NIPSNAP3B: variants seen among roughly 807,000 people sequenced by gnomAD.
The protein encoded by NIPSNAP3B is protein NipSnap homolog 3B.
NIPSNAP3B carries 30 observed loss-of-function variants against 31.5 expected under a neutral mutation model. The ratio of observed to expected loss-of-function variants is 0.95; its 90% CI spans 0.71 to 1.29. The LOEUF (loss-of-function observed/expected upper bound fraction) is 1.29, where lower values mean the gene tolerates loss of function less well. Ranked by LOEUF, NIPSNAP3B falls within the 50% of genes most tolerant of loss-of-function variation. The pLI is 0.00. For missense variants in NIPSNAP3B, 269 were observed against 300.7 expected (o/e 0.89, Z 0.78); for synonymous variants, 106 against 107.9 (o/e 0.98, Z 0.11).
chr9:104,780,385 ATTC>A (rs1431927616), downstream of NIPSNAP3B, among the ~76,000 whole-genome samples: 2 of 152,200 alleles, frequency 1.3e-5, no homozygotes, highest in African/African-American at 2.4e-5. Flanking sequence ...TTTGACAGGG[ATTC>A]TTCAAGTAGC....
chr9:104,786,380 A>T, the NIPSNAP3B span: 1 of 1,614,086 alleles, frequency 6.2e-7, no homozygotes, highest in Non-Finnish European at 8.5e-7. Flanking sequence ...AGAGCTTCAC[A>T]TTCTTCCATA....
chr9:104,788,327 A>T, the NIPSNAP3B span: 1 of 1,535,016 alleles, frequency 6.5e-7, no homozygotes. Flanking sequence ...TGCATTCATG[A>T]GGAAAAACAG....
At chr9:104,785,726 T>C in the NIPSNAP3B span, 3 of 1,563,204 alleles carry the variant, frequency 1.9e-6, no homozygotes, top group Non-Finnish European at 2.6e-6. Context: ...ACTTGTGCCA[T>C]GAAAAAGGGC....
At chr9:104,769,053 A>C in intron 3 of NIPSNAP3B, 32 bp downstream of exon 3, 2 of 1,550,150 alleles carry the variant, frequency 1.3e-6, no homozygotes, top group Non-Finnish European at 1.8e-6. Context: ...TATGAGTTTT[A>C]ATGAGTAAAA....
At chr9:104,787,751 C>A in the NIPSNAP3B span, 8 of 855,038 alleles carry the variant, frequency 9.4e-6, no homozygotes, top group Non-Finnish European at 1.1e-5. Context: ...GTACAGCCAC[C>A]CCAGTGTGTG....
intron 2 of NIPSNAP3B, among the ~76,000 whole-genome samples, chr9:104,767,507 ATAAAG>A (rs1305729097): frequency 6.6e-6 from 1 of 152,178 alleles, no homozygotes; most frequent in African/African-American, 2.4e-5. Flanking sequence ...GTTAATAGTC[ATAAAG>A]TAATTTAATA....
rs562853540 is a variant in NIPSNAP3B, at chr9:104,764,413, C to G, written c.60+113C>G. ...GCGCTCCCAGACCTGGGGCCCCGCGCCGCCGCCGAAGTTCTAACGCGGTCT... is the reference window on the plus strand; with the variant it reads ...GCGCTCCCAGACCTGGGGCCCCGCGGCGCCGCCGAAGTTCTAACGCGGTCT... On this transcript the variant is annotated intron_variant, in intron 1 of 5. Transcript: ENST00000374762. 9.9e-4 allele frequency: 880 copies of G among 888,698 alleles called. 5 individuals are homozygous for G. In the African/African-American group the frequency reaches 0.014, roughly 14 times the overall value. The allele number at this position is 888,698 out of a possible 1,614,324, so 55.1% of individuals were successfully genotyped here.
At position 104,768,848 on chromosome 9, in the gene NIPSNAP3B, A is replaced by G; in HGVS notation, c.272-15A>G. ...TAAATAAAAAAACATTTTCTTAACT[A>G]TTTTCCTCCCATAGATAATTTTGCT... On this transcript the variant is annotated splice_polypyrimidine_tract_variant and intron_variant, in intron 2 of 5. Coordinates refer to ENST00000374762, the MANE Select transcript of NIPSNAP3B (RefSeq NM_018376.4). 1 of 1,589,024 alleles carries G rather than the reference A, an allele frequency of 6.3e-7. No homozygotes were observed. The highest frequency in any genetic ancestry group is 8.5e-7 in the Non-Finnish European group (1 of 1,170,376).
At position 104,768,962 on chromosome 9, in the gene NIPSNAP3B, AAG is replaced by A; in HGVS notation, c.375_376del (p.Glu125AspfsTer22). 6.2e-7 allele frequency: 1 copy of A among 1,614,036 alleles called. No homozygotes were observed. The highest frequency in any genetic ancestry group is 8.5e-7 in the Non-Finnish European group (1 of 1,179,932). ...CCAAATTTGGCTCGCATTGATAAAC[AAG>A]AGACGGAAATTACTTACCTGATACC... On this transcript the variant is annotated frameshift_variant, in exon 3 of 6. Transcript: ENST00000374762. LOFTEE classifies it high-confidence loss of function.
the NIPSNAP3B span, chr9:104,785,712 C>T: frequency 6.3e-7 from 1 of 1,595,962 alleles, no homozygotes; most frequent in African/African-American, 1.3e-5. Flanking sequence ...ACCCTGGGAA[C>T]CCAACTTGTG....
Position 104,768,995 on chromosome 9 carries a change from C to G in NIPSNAP3B, c.404C>G (p.Ser135Cys). Residue 135 changes from serine to cysteine, a missense_variant, in exon 3 of 6, where the codon TCC becomes TGC. Ser to Cys is a moderately radical substitution (Grantham distance 112). Coordinates refer to ENST00000374762, the MANE Select transcript of NIPSNAP3B (RefSeq NM_018376.4). ...ETEITYLIPWSKLEKPPKEGV... is the reference protein window; with the variant it reads ...ETEITYLIPWCKLEKPPKEGV... ...GAAATTACTTACCTGATACCATGGTCCAAATTAGAAAAGCCTCCAAAAGAA... is the reference window on the plus strand; with the variant it reads ...GAAATTACTTACCTGATACCATGGTGCAAATTAGAAAAGCCTCCAAAAGAA... 6.2e-7 allele frequency: 1 copy of G among 1,612,784 alleles called. No homozygotes were observed. Among genetic ancestry groups the G allele is most frequent in the Non-Finnish European group, 8.5e-7 (1 of 1,179,612 alleles).
intron 1 of NIPSNAP3B, among the ~76,000 whole-genome samples, chr9:104,764,589 G>C (rs888003078): frequency 7.2e-5 from 11 of 152,338 alleles, no homozygotes; most frequent in African/African-American, 2.6e-4. Context: ...GCCCAGGCTG[G>C]AGTGCAGTGG....
At chr9:104,789,799 A>G in the NIPSNAP3B span, among the ~76,000 whole-genome samples, 2 of 152,172 alleles carry the variant, frequency 1.3e-5, no homozygotes, top group Admixed American at 6.5e-5. Context: ...TCTCCACATA[A>G]TAAGTCCAGA....
rs922861561 is a variant in NIPSNAP3B at position 104,776,753 on chromosome 9, A to G, written c.*3680A>G. Among the ~76,000 whole-genome samples, 10 of 152,170 alleles carry G rather than the reference A, an allele frequency of 6.6e-5. No individual in the cohort carries two copies. Among genetic ancestry groups the G allele is most frequent in the African/African-American group, 2.4e-4 (10 of 41,430 alleles). ...TTACTTATATATGATTTGTTAATGTATGTCTCTTCCCACTAGAAACCGAAT... is the reference window on the plus strand; with the variant it reads ...TTACTTATATATGATTTGTTAATGTGTGTCTCTTCCCACTAGAAACCGAAT... On this transcript the variant is annotated 3_prime_UTR_variant, in exon 6 of 6. Transcript: ENST00000374762.
chr9:104,766,727 A>G (rs1045894019), intron 2 of NIPSNAP3B, among the ~76,000 whole-genome samples, 192 bp downstream of exon 2: 2 of 151,916 alleles, frequency 1.3e-5, no homozygotes, highest in African/African-American at 4.8e-5. Flanking sequence ...CCTTGCTTGA[A>G]CTCTTATGTT....
rs769848537 is a variant in NIPSNAP3B at position 104,768,922 on chromosome 9, G to C, written c.331G>C (p.Glu111Gln). 1.2e-6 allele frequency: 2 copies of C among 1,613,724 alleles called. No homozygotes were observed. The highest frequency in any genetic ancestry group is 8.5e-7 in the Non-Finnish European group (1 of 1,179,736). Residue 111 changes from glutamate (E) to glutamine (Q), a missense_variant, in exon 3 of 6, where the codon GAA becomes CAA. Transcript: ENST00000374762. ...KALANCKEWQEQSIIPNLARI... is the reference protein window; with the variant it reads ...KALANCKEWQQQSIIPNLARI... ...CTTAGCCAACTGTAAGGAATGGCAA[G>C]AACAATCTATCATTCCAAATTTGGC...
intron 3 of NIPSNAP3B, among the ~76,000 whole-genome samples, 183 bp from the exon 4 acceptor site, chr9:104,770,666 A>C (rs1228203968): frequency 6.6e-6 from 1 of 152,186 alleles, no homozygotes; most frequent in Non-Finnish European, 1.5e-5. Flanking sequence ...ACATGGACAA[A>C]GACTTTCTAA....
the NIPSNAP3B span, chr9:104,788,592 A>C: frequency 6.2e-7 from 1 of 1,613,836 alleles, no homozygotes; most frequent in East Asian, 2.2e-5. Flanking sequence ...AAAACTACTT[A>C]GATTTTAAGC....
the NIPSNAP3B span, among the ~76,000 whole-genome samples, chr9:104,789,183 C>G: frequency 2.0e-5 from 3 of 152,312 alleles, no homozygotes; most frequent in East Asian, 1.9e-4. Flanking sequence ...ATTAGCACCC[C>G]CAGGGTCAGC....
Sources: gnomAD v4.1 joint callset for allele counts (sites outside exome capture counted in the v4.1 genomes callset) on GRCh38, gnomAD v4.1.1 for gene constraint, MANE v1.5 for transcripts, NCBI Gene and HGNC (gene_info 2026-07-23, HGNC 2026-07-21) for gene names.